OTOGL: variants seen among roughly 807,000 people sequenced by gnomAD.
OTOGL encodes otogelin-like protein.
Under a neutral mutation model 318.5 loss-of-function variants are expected in OTOGL, and 285 were observed. The ratio of observed to expected loss-of-function variants is 0.89; its 90% CI spans 0.81 to 0.99. The LOEUF is 0.99. Among genes scored for constraint, OTOGL ranks in the 50% least tolerant of loss-of-function variants. The pLI, the probability that OTOGL is intolerant of heterozygous loss-of-function variation, is 0.00. For synonymous variants in OTOGL, 987 were observed against 936.5 expected, an observed-to-expected ratio of 1.05 and a Z score of -0.99; for missense variants, 2,899 against 2,845.6, an observed-to-expected ratio of 1.02 and a Z score of -0.43.
intron 1 of OTOGL, among the ~76,000 whole-genome samples, chr12:80,140,933 CTTT>C (rs914363813): frequency 2.6e-5 from 4 of 152,022 alleles, no homozygotes; most frequent in African/African-American, 9.7e-5. Flanking sequence ...AGAATAACTT[CTTT>C]ATGTTCAACT....
At chr12:80,366,688 C>A (rs973649118) in intron 53 of OTOGL, 51 bp downstream of exon 53, 1 of 735,370 alleles carries the variant, frequency 1.4e-6, no homozygotes, top group Non-Finnish European at 1.8e-6. Context: ...TCATTAGTAT[C>A]TGTTTTTTCA....
chr12:80,318,655 T>C lies in OTOGL; in HGVS notation c.3744T>C (p.His1248=). ...SVFCLPRSSV[H]TSLFFYFMIT... is the part of the protein sequence containing the mutation. The stretch of plus-strand genomic sequence containing the variant: ...TCTGTTTGCCGAGAAGCAGTGTTCA[T>C]ACCAGTTTATTTTTTTATTTTATGA... The change falls in exon 33 of 59, where the codon CAT becomes CAC. Residue 1248 remains histidine, a synonymous_variant. Transcript: ENST00000547103. 2 of 1,451,426 alleles carry C rather than the reference T, an allele frequency of 1.4e-6. No homozygotes were observed. The highest frequency in any genetic ancestry group is 1.5e-5 in the South Asian group (1 of 66,166). The allele number at this position is 1,451,426 out of a possible 1,614,324, so 89.9% of individuals were successfully genotyped here. A position where few individuals can be genotyped will look rare whatever the true frequency, so the allele number is the denominator to read the frequency against.
chr12:80,219,073 A>G (rs1194696293), intron 5 of OTOGL, among the ~76,000 whole-genome samples: 2 of 152,000 alleles, frequency 1.3e-5, no homozygotes, highest in Non-Finnish European at 1.5e-5. Context: ...TTTGAGTTTT[A>G]TGCTTTGCCT....
At chr12:80,220,805 A>T (rs1326575486) in intron 6 of OTOGL, among the ~76,000 whole-genome samples, 1 of 152,136 alleles carries the variant, frequency 6.6e-6, no homozygotes. Context: ...AGAGAAGGTG[A>T]TAAATACACA....
chr12:80,230,448 A>G (rs1451086672), intron 8 of OTOGL, among the ~76,000 whole-genome samples: 2 of 152,212 alleles, frequency 1.3e-5, no homozygotes, highest in African/African-American at 4.8e-5. Flanking sequence ...CTGAATTTAG[A>G]TAGTCATTTA....
chr12:80,259,372 A>T (rs1882334833), intron 18 of OTOGL, among the ~76,000 whole-genome samples: 1 of 151,696 alleles, frequency 6.6e-6, no homozygotes, highest in African/African-American at 2.4e-5. Context: ...TATTATTATT[A>T]TTTTTATTTT....
intron 7 of OTOGL, among the ~76,000 whole-genome samples, chr12:80,223,410 T>C (rs1878542261): frequency 6.6e-6 from 1 of 152,048 alleles, no homozygotes; most frequent in African/African-American, 2.4e-5. Flanking sequence ...GTATCTTTTT[T>C]TGTATAATGA....
At chr12:80,358,222 A>AT (rs914249286) in intron 49 of OTOGL, 26 bp from the exon 50 acceptor site, 1 of 1,489,062 alleles carries the variant, frequency 6.7e-7, no homozygotes, top group Non-Finnish European at 9.3e-7. Flanking sequence ...CTCAGCTGTG[A>AT]TTTTTGGCTT....
intron 34 of OTOGL, among the ~76,000 whole-genome samples, chr12:80,321,128 T>C (rs2137835251): frequency 6.6e-6 from 1 of 152,294 alleles, no homozygotes; most frequent in African/African-American, 2.4e-5. Context: ...TTTACTTCTG[T>C]CATTTGAATA....
chr12:80,251,669 T>C (rs1432930552), intron 11 of OTOGL, 24 bp from the exon 12 acceptor site: 1 of 1,532,558 alleles, frequency 6.5e-7, no homozygotes, highest in East Asian at 2.3e-5. Context: ...TATGTGATTC[T>C]GGCTCTGTCT....
At chr12:80,119,343 G>A (rs867127735) in intron 1 of OTOGL, among the ~76,000 whole-genome samples, 1 of 152,208 alleles carries the variant, frequency 6.6e-6, no homozygotes, top group Non-Finnish European at 1.5e-5. Context: ...ACAGTCAGAA[G>A]GGTAAATGGC....
chr12:80,313,556 C>T lies in OTOGL; in HGVS notation c.3531C>T (p.Cys1177=), dbSNP rs1312398457. Residue 1177 remains cysteine, a synonymous_variant, in exon 31 of 59, where the codon TGC becomes TGT. Transcript: ENST00000547103. ...CNLGGDCECL[C]TSIAAYAYKC... ...TTGGTGGCGACTGTGAGTGTTTGTG[C>T]ACTAGTATAGCTGCATATGCATACA... The T allele has an allele frequency of 4.3e-6, 7 of 1,612,082 alleles. No homozygotes were observed. The South Asian group carries it at 4.4e-5, about 10-fold the overall frequency.
chr12:80,100,928 C>T (rs1219173076), intron 1 of OTOGL, among the ~76,000 whole-genome samples: 3 of 151,986 alleles, frequency 2.0e-5, no homozygotes, highest in Non-Finnish European at 4.4e-5. Context: ...TTGCAGTTGT[C>T]AAGGCTTAGT....
rs1416883542 is a variant in OTOGL, at chr12:80,372,018, G to C, written c.6736-1G>C. The C allele has an allele frequency of 1.3e-6, 2 of 1,542,712 alleles. No individual in the cohort carries two copies. Among genetic ancestry groups the C allele is most frequent in the South Asian group, 2.5e-5 (2 of 81,472 alleles). On this transcript the variant is annotated splice_acceptor_variant, in intron 56 of 58. Coordinates refer to ENST00000547103, the MANE Select transcript of OTOGL (RefSeq NM_001378609.3). LOFTEE classifies it high-confidence loss of function. The stretch of plus-strand genomic sequence containing the variant: ...ACTTTATTGCTTTTTTCTCTTTCTA[G>C]AATGAAGGGATTGTGAAGCTTTATA...
At chr12:80,249,940 G>A (rs919011193) in intron 11 of OTOGL, among the ~76,000 whole-genome samples, 11 of 152,042 alleles carry the variant, frequency 7.2e-5, no homozygotes, top group Admixed American at 3.3e-4. Flanking sequence ...AGGTGCGTCC[G>A]TCAGCCCTTT....
chr12:80,288,500 A>G (rs1305726847), intron 26 of OTOGL, among the ~76,000 whole-genome samples: 1 of 152,020 alleles, frequency 6.6e-6, no homozygotes, highest in Non-Finnish European at 1.5e-5. Flanking sequence ...GTTTTCCAGC[A>G]TGGTTCCATT....
intron 53 of OTOGL, among the ~76,000 whole-genome samples, chr12:80,366,989 T>C (rs1890581811): frequency 6.6e-6 from 1 of 151,962 alleles, no homozygotes; most frequent in Admixed American, 6.6e-5. Context: ...TATTAATGTA[T>C]TTTTATTAAG....
chr12:80,311,000 T>A (rs1352760256), intron 30 of OTOGL, among the ~76,000 whole-genome samples: 2 of 152,226 alleles, frequency 1.3e-5, no homozygotes, highest in Admixed American at 1.3e-4. Context: ...TTTACATACA[T>A]CATTTTATGA....
intron 53 of OTOGL, among the ~76,000 whole-genome samples, chr12:80,367,327 A>G (rs544097118): frequency 6.6e-6 from 1 of 152,220 alleles, no homozygotes; most frequent in South Asian, 2.1e-4. Context: ...AGGAAGTTCA[A>G]TCATTAAACA....
Sources: allele counts gnomAD v4.1 joint callset (sites outside exome capture counted in the v4.1 genomes callset), GRCh38; gene constraint gnomAD v4.1.1; transcripts MANE v1.5; gene names NCBI Gene and HGNC (gene_info 2026-07-23, HGNC 2026-07-21).